Variants in EVX2 observed in about 807,000 individuals in gnomAD.
EVX2 encodes homeobox even-skipped homolog protein 2.
A neutral mutation model predicts 19.2 loss-of-function variants in EVX2; 10 were observed. The observed-to-expected ratio is 0.52, with a 90% confidence interval of 0.32 to 0.89. The LOEUF (loss-of-function observed/expected upper bound fraction) is 0.89, where lower values mean the gene tolerates loss of function less well. Ranked by LOEUF, EVX2 falls within the 40% of genes least tolerant of loss-of-function variation. The probability of loss-of-function intolerance (pLI) is 0.03; values close to 1 mark genes in which losing one functional copy is unlikely to be tolerated. For synonymous variants in EVX2, 354 were observed against 328.4 expected, an observed-to-expected ratio of 1.08 and a Z score of -0.84; for missense variants, 710 against 694.9, an observed-to-expected ratio of 1.02 and a Z score of -0.24.
chr2:176,079,967 C>A lies in EVX2; in HGVS notation c.*140G>T. The A allele has an allele frequency of 1.1e-6, 1 of 919,532 alleles. No individual in the cohort carries two copies. Among genetic ancestry groups the A allele is most frequent in the Non-Finnish European group, 1.5e-6 (1 of 686,928 alleles). The allele number at this position is 919,532 out of a possible 1,614,324, so 57.0% of individuals were successfully genotyped here. The stretch of plus-strand genomic sequence containing the variant: ...TTCTCCCCCAATTCGGAGCAGGTTC[C>A]CTTCGGCCTCCCGCGCCCCGGGGCG... On this transcript the variant is annotated 3_prime_UTR_variant, in exon 3 of 3. Coordinates refer to ENST00000308618, the MANE Select transcript of EVX2 (RefSeq NM_001080458.2). The surrounding 1 kb of genome is among the most constrained non-coding windows in gnomAD (Gnocchi z 4.4).
At position 176,080,084 on chromosome 2, in the gene EVX2, G is replaced by A; in HGVS notation, c.*23C>T. 2 of 1,491,862 alleles carry A rather than the reference G, an allele frequency of 1.3e-6. No homozygotes were observed. Among genetic ancestry groups the A allele is most frequent in the Non-Finnish European group, 1.8e-6 (2 of 1,122,694 alleles). The allele number at this position is 1,491,862 out of a possible 1,614,324, so 92.4% of individuals were successfully genotyped here. A position where few individuals can be genotyped will look rare whatever the true frequency, so the allele number is the denominator to read the frequency against. ...GGGCACACTCAGAGAGGCGGGCGCG[G>A]CCCCCTGGCGGTGGCGACGTAGTTA... is the stretch of plus-strand genomic sequence containing the variant. On this transcript the variant is annotated 3_prime_UTR_variant, in exon 3 of 3. Coordinates refer to ENST00000308618, the MANE Select transcript of EVX2 (RefSeq NM_001080458.2). This position sits in a 1 kb window ranked among gnomAD's most constrained non-coding sequence, Gnocchi z 7.0.
Position 176,078,159 on chromosome 2 carries a change from T to C in EVX2, c.*1948A>G, listed in dbSNP as rs957700867. 3 of 152,212 alleles carry C rather than the reference T, an allele frequency of 2.0e-5. No homozygotes were observed. The highest frequency in any genetic ancestry group is 7.2e-5 in the African/African-American group (3 of 41,452). The allele number at this position is 152,212 out of a possible 1,614,324, so 9.4% of individuals were successfully genotyped here. ...AAATGATATTTTAAAATCCAGTGTC[T>C]TTAAAATAACAATATGATGGCAGGA... On this transcript the variant is annotated 3_prime_UTR_variant, in exon 3 of 3. Transcript: ENST00000308618.
chr2:176,083,763 A>G lies in EVX2; in HGVS notation c.14T>C (p.Ile5Thr), dbSNP rs1689184088. Residue 5 changes from isoleucine to threonine, a missense_variant, in exon 1 of 3, where the codon ATA becomes ACA. Physicochemically the swap from Ile to Thr is moderately conservative, Grantham distance 89. Coordinates refer to ENST00000308618, the MANE Select transcript of EVX2 (RefSeq NM_001080458.2). The surrounding 1 kb of genome is among the most constrained non-coding windows in gnomAD (Gnocchi z 4.4). Reference protein sequence around the residue: MMERIRKEMILMERG... With the variant: MMERTRKEMILMERG... ...CTCCATCAGAATCATCTCTTTTCTT[A>G]TTCTTTCCATCATCTCAGCTTTCTT... 1 of 1,609,876 alleles carries G rather than the reference A, an allele frequency of 6.2e-7. No homozygotes were observed. Among genetic ancestry groups the G allele is most frequent in the Non-Finnish European group, 8.5e-7 (1 of 1,177,958 alleles).
Position 176,080,574 on chromosome 2 carries a change from A to G in EVX2, c.964T>C (p.Phe322Leu). 1 of 1,531,424 alleles carries G rather than the reference A, an allele frequency of 6.5e-7. No homozygotes were observed. Among genetic ancestry groups the G allele is most frequent in the Non-Finnish European group, 8.7e-7 (1 of 1,154,412 alleles). 94.9% of individuals were successfully genotyped at this position (1,531,424 alleles called of 1,614,324 possible). ...FATSIRPLDTFRALSHPYSRP... is the reference protein window; with the variant it reads ...FATSIRPLDTLRALSHPYSRP... The stretch of plus-strand genomic sequence containing the variant: ...GAGTAGGGGTGCGAGAGGGCGCGGA[A>G]GGTGTCCAGTGGCCGGATGGAAGTA... Residue 322 changes from phenylalanine (F) to leucine (L), a missense_variant, in exon 3 of 3, where the codon TTC becomes CTC. Transcript: ENST00000308618. The surrounding 1 kb of genome is among the most constrained non-coding windows in gnomAD (Gnocchi z 7.0).
chr2:176,082,707 C>G lies in EVX2; in HGVS notation c.428-258G>C, dbSNP rs1291504314. Among the ~76,000 whole-genome samples, 1 of 152,120 alleles carries G rather than the reference C, an allele frequency of 6.6e-6. No individual in the cohort carries two copies. Among genetic ancestry groups the G allele is most frequent in the African/African-American group, 2.4e-5 (1 of 41,426 alleles). On this transcript the variant is annotated intron_variant, in intron 1 of 2. Coordinates refer to ENST00000308618, the MANE Select transcript of EVX2 (RefSeq NM_001080458.2). The surrounding 1 kb of genome is among the most constrained non-coding windows in gnomAD (Gnocchi z 5.2). ...TTTTCAACCAAGGAGGAAAAGTGGC[C>G]GAGGGAAAATGCCTACCTCTGGGCG...
At position 176,077,606 on chromosome 2, in the gene EVX2, CTTTA is replaced by C. The variant is rs939855896; in HGVS notation, c.*2497_*2500del. ...TCCAGCAATATTTAAAGCACGAAGA[CTTTA>C]TTTACAATTTTATTTCAATATAATA... On this transcript the variant is annotated 3_prime_UTR_variant, in exon 3 of 3. Transcript: ENST00000308618. The C allele has an allele frequency of 2.4e-4, 37 of 152,142 alleles. 2 individuals are homozygous for C. The allele number at this position is 152,142 out of a possible 1,614,324, so 9.4% of individuals were successfully genotyped here.
Position 176,083,559 on chromosome 2 carries a change from A to C in EVX2, c.218T>G (p.Ile73Arg), listed in dbSNP as rs748245928. 1.2e-4 allele frequency: 192 copies of C among 1,613,826 alleles called. No individual in the cohort carries two copies. Among genetic ancestry groups the C allele is most frequent in the Non-Finnish European group, 1.6e-4 (185 of 1,180,004 alleles). ...GTGCTGCAGGTTGAACAAAGTGTCTATTTCGAATTTGCCCTTGGCGGGGAG... is the reference window on the plus strand; with the variant it reads ...GTGCTGCAGGTTGAACAAAGTGTCTCTTTCGAATTTGCCCTTGGCGGGGAG... ...GELPAKGKFE[I>R]DTLFNLQHTG... Residue 73 changes from isoleucine to arginine, a missense_variant, in exon 1 of 3, where the codon ATA becomes AGA. By Grantham distance (97) the Ile-to-Arg change is moderately conservative. Coordinates refer to ENST00000308618, the MANE Select transcript of EVX2 (RefSeq NM_001080458.2). The surrounding 1 kb of genome is among the most constrained non-coding windows in gnomAD (Gnocchi z 4.4).
rs201905415 is a variant in EVX2, at chr2:176,083,450, G to A, written c.327C>T (p.Ala109=). The A allele has an allele frequency of 1.4e-5, 23 of 1,613,946 alleles. No homozygotes were observed. The highest frequency in any genetic ancestry group is 1.9e-5 in the Non-Finnish European group (23 of 1,180,020). The change falls in exon 1 of 3, where the codon GCC becomes GCT. Residue 109 remains alanine (A), a synonymous_variant. Transcript: ENST00000308618. The surrounding 1 kb of genome is among the most constrained non-coding windows in gnomAD (Gnocchi z 4.4). ...RKKPGHYSEA[A]AEADMSSDVE... is the part of the protein sequence containing the mutation. ...CGTCGCTGCTCATGTCGGCCTCAGC[G>A]GCCGCCTCTGAATAATGGCCCGGCT...
Position 176,078,729 on chromosome 2 carries a change from C to A in EVX2, c.*1378G>T, listed in dbSNP as rs1351638132. On this transcript the variant is annotated 3_prime_UTR_variant, in exon 3 of 3. Transcript: ENST00000308618. Reference sequence around the variant, plus strand: ...CGTCTCTCCTAATGACTTCCCTTAGCGGGTTGTTAGTACTTGACAGCAGGT... The same window carrying A: ...CGTCTCTCCTAATGACTTCCCTTAGAGGGTTGTTAGTACTTGACAGCAGGT... 2.0e-5 allele frequency: 3 copies of A among 152,194 alleles called. No individual in the cohort carries two copies. Among genetic ancestry groups the A allele is most frequent in the Admixed American group, 6.5e-5 (1 of 15,284 alleles). The allele number at this position is 152,194 out of a possible 1,614,324, so 9.4% of individuals were successfully genotyped here.
Position 176,080,553 on chromosome 2 carries a change from A to G in EVX2, c.985T>C (p.Tyr329His). 1 of 1,521,558 alleles carries G rather than the reference A, an allele frequency of 6.6e-7. No individual in the cohort carries two copies. Among genetic ancestry groups the G allele is most frequent in the Non-Finnish European group, 8.7e-7 (1 of 1,150,174 alleles). The allele number at this position is 1,521,558 out of a possible 1,614,324, so 94.3% of individuals were successfully genotyped here. The change falls in exon 3 of 3, where the codon TAC (tyrosine) becomes CAC (histidine). Residue 329 changes from tyrosine to histidine, a missense_variant. By Grantham distance (83) the Tyr-to-His change is moderately conservative. Coordinates refer to ENST00000308618, the MANE Select transcript of EVX2 (RefSeq NM_001080458.2). The surrounding 1 kb of genome is among the most constrained non-coding windows in gnomAD (Gnocchi z 7.0). ...CTACACAGCAGCTCCGGCCGAGAGT[A>G]GGGGTGCGAGAGGGCGCGGAAGGTG... ...LDTFRALSHP[Y>H]SRPELLCSFR...
rs1372211341 is a variant in EVX2, at chr2:176,080,260, G to GCCGCCGCCGCCACCACCACCA, written c.1257_1277dup (p.Gly422_Gly428dup). The GCCGCCGCCGCCACCACCACCA allele has an allele frequency of 2.9e-5, 37 of 1,276,860 alleles. No individual in the cohort carries two copies. Among genetic ancestry groups the GCCGCCGCCGCCACCACCACCA allele is most frequent in the Admixed American group, 2.0e-4 (5 of 25,312 alleles). The allele number at this position is 1,276,860 out of a possible 1,614,324, so 79.1% of individuals were successfully genotyped here. ...AGCCTCCCCCGGCCCCGGCGCCCCC[G>GCCGCCGCCGCCACCACCACCA]CCGCCGCCGCCACCACCACCACCGC... On this transcript the variant is annotated inframe_insertion, in exon 3 of 3. Coordinates refer to ENST00000308618, the MANE Select transcript of EVX2 (RefSeq NM_001080458.2). The surrounding 1 kb of genome is among the most constrained non-coding windows in gnomAD (Gnocchi z 7.0).
Position 176,083,512 on chromosome 2 carries a change from A to C in EVX2, c.265T>G (p.Ser89Ala). 1 of 1,614,000 alleles carries C rather than the reference A, an allele frequency of 6.2e-7. No individual in the cohort carries two copies. Among genetic ancestry groups the C allele is most frequent in the Non-Finnish European group, 8.5e-7 (1 of 1,180,000 alleles). The stretch of plus-strand genomic sequence containing the variant: ...TCGGCGGCGGAGGAGATTTCGGAGG[A>C]GACGGTGCTTTCGCTGCCCGTGTGC... ...LQHTGSESTV[S>A]SEISSAAESR... Residue 89 changes from serine (S) to alanine (A), a missense_variant, in exon 1 of 3, where the codon TCC (serine) becomes GCC (alanine). Physicochemically the swap from Ser to Ala is moderately conservative, Grantham distance 99 (BLOSUM62 1). Transcript: ENST00000308618. This position sits in a 1 kb window ranked among gnomAD's most constrained non-coding sequence, Gnocchi z 4.4.
In EVX2 at chr2:176,082,418, G is replaced by T. The variant is rs766356478; in HGVS notation, c.459C>A (p.Thr153=). 99 of 1,570,494 alleles carry T rather than the reference G, an allele frequency of 6.3e-5. No individual in the cohort carries two copies. Among genetic ancestry groups the T allele is most frequent in the Non-Finnish European group, 8.3e-5 (96 of 1,162,320 alleles). Reference sequence around the variant, plus strand: ...GGCCTGAGCCCGACGCCGACGTCGTGGTGCCGGCAGCCGAGCCGCTCTCTG... The same window carrying T: ...GGCCTGAGCCCGACGCCGACGTCGTTGTGCCGGCAGCCGAGCCGCTCTCTG... ...GYAESGSAAG[T]TTSASGSGLG... Residue 153 remains threonine, a synonymous_variant, in exon 2 of 3, where the codon ACC becomes ACA. Coordinates refer to ENST00000308618, the MANE Select transcript of EVX2 (RefSeq NM_001080458.2). This position sits in a 1 kb window ranked among gnomAD's most constrained non-coding sequence, Gnocchi z 5.2.
In EVX2 at chr2:176,080,272, A is replaced by G. The variant is rs1468525457; in HGVS notation, c.1266T>C (p.Gly422=). 5.5e-5 allele frequency: 69 copies of G among 1,247,978 alleles called. No individual in the cohort carries two copies. Among genetic ancestry groups the G allele is most frequent in the Non-Finnish European group, 6.5e-5 (64 of 984,670 alleles). 77.3% of individuals were successfully genotyped at this position (1,247,978 alleles called of 1,614,324 possible). Reference sequence around the variant, plus strand: ...CCCCGGCGCCCCCGCCGCCGCCGCCACCACCACCACCGCCGCCGCCACCGC... The same window carrying G: ...CCCCGGCGCCCCCGCCGCCGCCGCCGCCACCACCACCGCCGCCGCCACCGC... The part of the protein sequence containing the change: ...RGGGGGGGGG[G]GGGGGGAGAG... The change falls in exon 3 of 3, where the codon GGT becomes GGC. Residue 422 remains glycine, a synonymous_variant. Transcript: ENST00000308618. This position sits in a 1 kb window ranked among gnomAD's most constrained non-coding sequence, Gnocchi z 7.0.
rs1191955258 is a variant in EVX2, at chr2:176,083,003, T to C, written c.427+347A>G. Among the ~76,000 whole-genome samples, 1 of 151,998 alleles carries C rather than the reference T, an allele frequency of 6.6e-6. No individual in the cohort carries two copies. The highest frequency in any genetic ancestry group is 1.5e-5 in the Non-Finnish European group (1 of 67,974). On this transcript the variant is annotated intron_variant, in intron 1 of 2. Coordinates refer to ENST00000308618, the MANE Select transcript of EVX2 (RefSeq NM_001080458.2). The surrounding 1 kb of genome is among the most constrained non-coding windows in gnomAD (Gnocchi z 4.4). ...GGCACAGGGGCAGGGGAGTTCAGAG[T>C]AGTTGCCCAGGGTACCTTTCCCAAA...
Position 176,082,459 on chromosome 2 carries a change from A to G in EVX2, c.428-10T>C, listed in dbSNP as rs780776392. 10 of 1,536,794 alleles carry G rather than the reference A, an allele frequency of 6.5e-6. No individual in the cohort carries two copies. In the East Asian group the frequency reaches 2.1e-4, roughly 32 times the overall value. ...CCGCTCTCTGCGTACCCTGGCAAAC[A>G]AACGACCAACAGCGCATGAGTGGCT... On this transcript the variant is annotated splice_polypyrimidine_tract_variant and intron_variant, in intron 1 of 2. Coordinates refer to ENST00000308618, the MANE Select transcript of EVX2 (RefSeq NM_001080458.2). The surrounding 1 kb of genome is among the most constrained non-coding windows in gnomAD (Gnocchi z 5.2).
chr2:176,080,007 C>A lies in EVX2; in HGVS notation c.*100G>T. The A allele has an allele frequency of 1.6e-6, 2 of 1,259,432 alleles. No homozygotes were observed. Among genetic ancestry groups the A allele is most frequent in the Non-Finnish European group, 2.0e-6 (2 of 988,154 alleles). 78.0% of individuals were successfully genotyped at this position (1,259,432 alleles called of 1,614,324 possible). A position where few individuals can be genotyped will look rare whatever the true frequency, so the allele number is the denominator to read the frequency against. ...GCCCCGGGGCGCCCCCTGGCGGCAG[C>A]GGCAGCAGCGGGCAACGCGCGGAGG... On this transcript the variant is annotated 3_prime_UTR_variant, in exon 3 of 3. Coordinates refer to ENST00000308618, the MANE Select transcript of EVX2 (RefSeq NM_001080458.2). This position sits in a 1 kb window ranked among gnomAD's most constrained non-coding sequence, Gnocchi z 7.0.
Position 176,080,975 on chromosome 2 carries a change from C to T in EVX2, c.700-137G>A. On this transcript the variant is annotated intron_variant, in intron 2 of 2. Coordinates refer to ENST00000308618, the MANE Select transcript of EVX2 (RefSeq NM_001080458.2). The surrounding 1 kb of genome is among the most constrained non-coding windows in gnomAD (Gnocchi z 7.0). ...CCGACCAAGCCCAACCCCGAGTACC[C>T]TGTGGTCTCCCAGCTGGGAAAGTGT... is the stretch of plus-strand genomic sequence containing the variant. The T allele has an allele frequency of 8.7e-7, 1 of 1,149,056 alleles. No individual in the cohort carries two copies. The highest frequency in any genetic ancestry group is 1.2e-6 in the Non-Finnish European group (1 of 842,466). The allele number at this position is 1,149,056 out of a possible 1,614,324, so 71.2% of individuals were successfully genotyped here. A position where few individuals can be genotyped will look rare whatever the true frequency, so the allele number is the denominator to read the frequency against.
In EVX2 at chr2:176,083,618, C is replaced by T. The variant is rs1045591214; in HGVS notation, c.159G>A (p.Leu53=). The stretch of plus-strand genomic sequence containing the variant: ...GAGCGCTGTGCAGGGGGGCAGACGG[C>T]AGGCGCGGGCTTAGGCGAGCCGGGT... The part of the protein sequence containing the change: ...SQHPARLSPR[L]PSAPLHSALG... The change falls in exon 1 of 3, where the codon CTG becomes CTA. Residue 53 remains leucine, a synonymous_variant. Coordinates refer to ENST00000308618, the MANE Select transcript of EVX2 (RefSeq NM_001080458.2). This position sits in a 1 kb window ranked among gnomAD's most constrained non-coding sequence, Gnocchi z 4.4. The T allele has an allele frequency of 1.9e-6, 3 of 1,614,096 alleles. No individual in the cohort carries two copies. The African/African-American group carries it at 4.0e-5, about 22-fold the overall frequency.
Sources: allele counts gnomAD v4.1 joint callset (sites outside exome capture counted in the v4.1 genomes callset), GRCh38; gene constraint gnomAD v4.1.1; non-coding constraint Gnocchi (gnomAD v3.1); transcripts MANE v1.5; gene names NCBI Gene and HGNC (gene_info 2026-07-23, HGNC 2026-07-21).